MTMR3: variants seen among roughly 807,000 people sequenced by gnomAD.
The protein encoded by MTMR3 is phosphatidylinositol-3,5-bisphosphate 3-phosphatase MTMR3.
In MTMR3, 32 loss-of-function variants were observed where a neutral mutation model predicts 132.4. That is an observed-to-expected ratio of 0.24 (90% confidence interval 0.18 to 0.32). The LOEUF (loss-of-function observed/expected upper bound fraction) is 0.32, where lower values mean the gene tolerates loss of function less well. Among genes scored for constraint, MTMR3 ranks in the 10% least tolerant of loss-of-function variants. The pLI is 1.00. For missense variants in MTMR3, 1,216 were observed against 1,489.6 expected, an observed-to-expected ratio of 0.82 and a Z score of 3.02; for synonymous variants, 556 against 550.3, an observed-to-expected ratio of 1.01 and a Z score of -0.14.
chr22:29,927,555 CTTGT>C (rs939111375), intron 1 of MTMR3, among the ~76,000 whole-genome samples: 5 of 151,800 alleles, frequency 3.3e-5, no homozygotes, highest in African/African-American at 7.3e-5. Context: ...GTTTTAAATT[CTTGT>C]TTTTTTATTT....
Position 30,018,013 on chromosome 22 carries a change from C to T in MTMR3, c.1761C>T (p.Asp587=), listed in dbSNP as rs545981011. 1.3e-5 allele frequency: 21 copies of T among 1,613,860 alleles called. No individual in the cohort carries two copies. The highest frequency in any genetic ancestry group is 3.3e-5 in the Admixed American group (2 of 59,924). ...LPCPSPTTPV[D]DSCAPYPAPG... ...GCCCATCCCCAACCACCCCTGTGGA[C>T]GACAGCTGTGCACCATACCCAGCCC... The change falls in exon 16 of 20, where the codon GAC becomes GAT. Residue 587 remains aspartate, a synonymous_variant. Transcript: ENST00000401950.
In MTMR3 at chr22:30,007,883, C is replaced by T; in HGVS notation, c.878-18C>T. 6.2e-7 allele frequency: 1 copy of T among 1,613,296 alleles called. No homozygotes were observed. On this transcript the variant is annotated intron_variant, in intron 10 of 19. Transcript: ENST00000401950. ...GAGACAGGCTCATTTAGTATGCCCT[C>T]TCCCTCTGTGTCCCTAGATTCTTCT...
intron 2 of MTMR3, among the ~76,000 whole-genome samples, chr22:29,961,854 CTT>C (rs2066318079): frequency 1.3e-5 from 2 of 152,116 alleles, no homozygotes; most frequent in African/African-American, 4.8e-5. Flanking sequence ...TTTACTGTAT[CTT>C]CTCTGTTTAT....
At chr22:29,895,894 G>A (rs756668909) in intron 1 of MTMR3, among the ~76,000 whole-genome samples, 3 of 152,080 alleles carry the variant, frequency 2.0e-5, no homozygotes, top group Middle Eastern at 3.2e-3. Flanking sequence ...ACTTTTTGTC[G>A]CACATCACAA....
At chr22:29,913,913 G>A (rs1048135816) in intron 1 of MTMR3, among the ~76,000 whole-genome samples, 2 of 152,006 alleles carry the variant, frequency 1.3e-5, no homozygotes, top group Non-Finnish European at 2.9e-5. Context: ...CACCGCACTC[G>A]GCTAATTTTT....
Position 29,998,732 on chromosome 22 carries a change from CCTTTCTGCTGTTTAT to C in MTMR3, c.461-24_461-10del. 6.4e-7 allele frequency: 1 copy of C among 1,561,470 alleles called. No individual in the cohort carries two copies. Among genetic ancestry groups the C allele is most frequent in the South Asian group, 1.2e-5 (1 of 85,964 alleles). On this transcript the variant is annotated splice_polypyrimidine_tract_variant and intron_variant, in intron 7 of 19. Transcript: ENST00000401950. ...TTTTGCAAAATGGTATTCATTTCTTCCTTTCTGCTGTTTATCTTTGGCCTCTAGGGGAGCATGTAA... is the reference window on the plus strand; with the variant it reads ...TTTTGCAAAATGGTATTCATTTCTTCCTTTGGCCTCTAGGGGAGCATGTAA...
Position 30,020,030 on chromosome 22 carries a change from G to T in MTMR3, c.2371G>T (p.Val791Phe), listed in dbSNP as rs748770150. The T allele has an allele frequency of 6.2e-7, 1 of 1,614,204 alleles. No homozygotes were observed. Among genetic ancestry groups the T allele is most frequent in the Non-Finnish European group, 8.5e-7 (1 of 1,180,034 alleles). ...VPPRGEDSLE[V>F]PVEQFRIEEI... ...CCCCAGGGGAGAGGATTCCCTGGAGGTCCCTGTGGAGCAGTTTCGAATAGA... is the reference window on the plus strand; with the variant it reads ...CCCCAGGGGAGAGGATTCCCTGGAGTTCCCTGTGGAGCAGTTTCGAATAGA... The change falls in exon 17 of 20, where the codon GTC becomes TTC. Residue 791 changes from valine to phenylalanine, a missense_variant. By Grantham distance (50) the Val-to-Phe change is conservative. Transcript: ENST00000401950.
At chr22:30,013,826 T>C in intron 14 of MTMR3, 1 of 299,422 alleles carries the variant, frequency 3.3e-6, no homozygotes, top group Non-Finnish European at 6.4e-6. Flanking sequence ...GCAATCAGAA[T>C]GTCTGGACCA....
intron 3 of MTMR3, among the ~76,000 whole-genome samples, chr22:29,971,567 A>G (rs2066536804): frequency 6.6e-6 from 1 of 152,186 alleles, no homozygotes; most frequent in African/African-American, 2.4e-5. Flanking sequence ...TAACATATGT[A>G]TTACTTCACA....
intron 1 of MTMR3, among the ~76,000 whole-genome samples, chr22:29,942,728 T>C (rs189463345): frequency 4.2e-4 from 64 of 152,354 alleles, no homozygotes; most frequent in African/African-American, 1.4e-3. Flanking sequence ...AAGAAAAATA[T>C]GGCTCTGTTC....
At chr22:29,898,790 A>T (rs568429852) in intron 1 of MTMR3, among the ~76,000 whole-genome samples, 1 of 152,148 alleles carries the variant, frequency 6.6e-6, no homozygotes, top group African/African-American at 2.4e-5. Context: ...ATGTTTACCC[A>T]ATGTTTAGTT....
chr22:30,022,154 CCTGCT>C lies in MTMR3; in HGVS notation c.3336+19_3336+23del, dbSNP rs749063400. The C allele has an allele frequency of 2.5e-6, 4 of 1,592,510 alleles. No individual in the cohort carries two copies. The Admixed American group carries it at 5.0e-5, about 20-fold the overall frequency. On this transcript the variant is annotated intron_variant, in intron 18 of 19. Coordinates refer to ENST00000401950, the MANE Select transcript of MTMR3 (RefSeq NM_021090.4). ...AGGACACAGAGGTACAGGCTCAGCC[CCTGCT>C]CTGAGTGCCATCAATTTAACTGTTT...
At position 30,020,432 on chromosome 22, in the gene MTMR3, G is replaced by A; in HGVS notation, c.2773G>A (p.Gly925Arg). The A allele has an allele frequency of 1.9e-6, 3 of 1,614,154 alleles. No homozygotes were observed. In the South Asian group the frequency reaches 3.3e-5, roughly 18 times the overall value. ...CALPLAECKE[G>R]LVCNGAPETE... The stretch of plus-strand genomic sequence containing the variant: ...CTTGCCTTTAGCCGAATGTAAAGAG[G>A]GGCTTGTGTGCAATGGTGCCCCAGA... The change falls in exon 17 of 20, where the codon GGG becomes AGG. Residue 925 changes from glycine to arginine, a missense_variant. Transcript: ENST00000401950.
intron 1 of MTMR3, among the ~76,000 whole-genome samples, chr22:29,944,102 A>T (rs1034010419): frequency 2.0e-5 from 3 of 152,016 alleles, no homozygotes; most frequent in Non-Finnish European, 2.9e-5. Context: ...TACAGGTGTG[A>T]GCCACTGCAT....
Position 29,905,290 on chromosome 22 carries a change from C to T in MTMR3, c.-138+21931C>T, listed in dbSNP as rs1461220936. 3.9e-5 allele frequency among the ~76,000 whole-genome samples: 6 copies of T among 152,210 alleles called. No homozygotes were observed. In the East Asian group the frequency reaches 5.8e-4, roughly 15 times the overall value. On this transcript the variant is annotated intron_variant, in intron 1 of 19. Transcript: ENST00000401950. ...TGCTGTATATATAGGTTTCACATCC[C>T]GAGAATACTTTTTCCATCCACATTT... is the stretch of plus-strand genomic sequence containing the variant.
intron 2 of MTMR3, among the ~76,000 whole-genome samples, chr22:29,957,590 A>G (rs1307485692): frequency 6.6e-6 from 1 of 152,082 alleles, no homozygotes; most frequent in Non-Finnish European, 1.5e-5. Flanking sequence ...TGCTGGGACT[A>G]CAGGTGTGTG....
intron 5 of MTMR3, chr22:29,986,503 T>TG: frequency 1.6e-6 from 1 of 607,800 alleles, no homozygotes; most frequent in Non-Finnish European, 1.9e-6. Flanking sequence ...GGTTTGTTTG[T>TG]TTTTTTTTTT....
intron 7 of MTMR3, chr22:29,997,707 A>G (rs1297380858): frequency 1.3e-5 from 2 of 152,122 alleles, no homozygotes; most frequent in Non-Finnish European, 2.9e-5. Flanking sequence ...GCTGGCAGTT[A>G]TGATTCCATG....
chr22:29,976,120 G>GTT (rs34984702), intron 3 of MTMR3, among the ~76,000 whole-genome samples: 1 of 141,934 alleles, frequency 7.0e-6, no homozygotes, highest in Non-Finnish European at 1.5e-5. Context: ...TATAGTGTGT[G>GTT]TTTTTTTTTT....
Sources: allele counts gnomAD v4.1 joint callset (sites outside exome capture counted in the v4.1 genomes callset), GRCh38; gene constraint gnomAD v4.1.1; transcripts MANE v1.5; gene names NCBI Gene and HGNC (gene_info 2026-07-23, HGNC 2026-07-21).